NLGN1: variants seen among roughly 807,000 people sequenced by gnomAD.
NLGN1 encodes neuroligin-1.
In NLGN1, 12 loss-of-function variants were observed where a neutral mutation model predicts 65.5. The observed-to-expected ratio is 0.18, with a 90% confidence interval of 0.12 to 0.30. The LOEUF is 0.30. Among genes scored for constraint, NLGN1 ranks in the 10% least tolerant of loss-of-function variants. The pLI is 1.00. For synonymous variants in NLGN1, 350 were observed against 359.5 expected (o/e 0.97, Z 0.30); for missense variants, 750 against 1,007.1 (o/e 0.74, Z 3.46).
intron 4 of NLGN1, among the ~76,000 whole-genome samples, chr3:173,994,310 A>G (rs1314005212): frequency 6.6e-6 from 1 of 151,608 alleles, no homozygotes; most frequent in Non-Finnish European, 1.5e-5. Context: ...TGTTGCCCAG[A>G]CTGGTCTCAA....
intron 2 of NLGN1, among the ~76,000 whole-genome samples, chr3:173,602,879 G>A (rs1328212690): frequency 1.3e-5 from 2 of 152,006 alleles, no homozygotes; most frequent in Non-Finnish European, 2.9e-5. Flanking sequence ...CTAGAGTTCT[G>A]GAACAGGAAT....
intron 1 of NLGN1, among the ~76,000 whole-genome samples, chr3:173,415,311 A>G (rs1713450629): frequency 1.3e-5 from 2 of 152,212 alleles, no homozygotes; most frequent in Admixed American, 1.3e-4. Context: ...TAAATCTGAG[A>G]TGGCAGGAAG....
intron 2 of NLGN1, among the ~76,000 whole-genome samples, chr3:173,442,402 C>T (rs1006507749): frequency 6.6e-6 from 1 of 152,126 alleles, no homozygotes; most frequent in Non-Finnish European, 1.5e-5. Context: ...TTGGTTTCAT[C>T]TCTCCTTTTA....
intron 3 of NLGN1, among the ~76,000 whole-genome samples, chr3:173,768,977 C>T (rs1779179916): frequency 6.6e-6 from 1 of 152,144 alleles, no homozygotes; most frequent in South Asian, 2.1e-4. Flanking sequence ...GCCATGTTGC[C>T]CAGGCTGGTG....
intron 4 of NLGN1, among the ~76,000 whole-genome samples, chr3:174,004,059 T>C (rs1489254700): frequency 6.6e-6 from 1 of 152,128 alleles, no homozygotes; most frequent in Non-Finnish European, 1.5e-5. Flanking sequence ...GGATTGGGTT[T>C]TGTTTTTCAG....
intron 3 of NLGN1, among the ~76,000 whole-genome samples, chr3:173,734,379 C>CAATTTTTTTTTTT (rs1560261820): frequency 3.4e-5 from 2 of 59,048 alleles, no homozygotes; most frequent in African/African-American, 1.3e-4. Context: ...GTGGATAATT[C>CAATTTTTTTTTTT]TATTTTTTTT....
At position 174,280,688 on chromosome 3, in the gene NLGN1, T is replaced by C; in HGVS notation, c.1857T>C (p.Ile619=). The C allele has an allele frequency of 6.2e-7, 1 of 1,613,312 alleles. No homozygotes were observed. Among genetic ancestry groups the C allele is most frequent in the Non-Finnish European group, 8.5e-7 (1 of 1,179,532 alleles). ...CTCATCTGCATAATCTCAATGACAT[T>C]TCTCAGTATACCTCTACAACAACTA... Residue 619 remains isoleucine (I), a synonymous_variant, in exon 7 of 7, where the codon ATT becomes ATC. Transcript: ENST00000457714. The surrounding 1 kb of genome is among the most constrained non-coding windows in gnomAD (Gnocchi z 4.9).
chr3:173,986,296 G>A (rs987423423), intron 4 of NLGN1, among the ~76,000 whole-genome samples: 5 of 151,866 alleles, frequency 3.3e-5, no homozygotes, highest in Admixed American at 6.6e-5. Flanking sequence ...GTGAAACCAC[G>A]TCTCTACTAG....
intron 3 of NLGN1, among the ~76,000 whole-genome samples, chr3:173,790,194 ATG>A (rs971227659): frequency 2.0e-5 from 3 of 151,886 alleles, no homozygotes; most frequent in East Asian, 1.9e-4. Context: ...ATATATACAT[ATG>A]TGTGTGTGTG....
intron 2 of NLGN1, among the ~76,000 whole-genome samples, chr3:173,454,621 C>T (rs1240941813): frequency 5.9e-5 from 9 of 152,166 alleles, no homozygotes; most frequent in Non-Finnish European, 2.9e-5. Flanking sequence ...TCCATGCTTC[C>T]AACTTCTTTT....
intron 4 of NLGN1, among the ~76,000 whole-genome samples, chr3:173,879,401 A>C (rs556225270): frequency 1.3e-5 from 2 of 152,268 alleles, no homozygotes; most frequent in South Asian, 4.1e-4. Context: ...CATCCACTGA[A>C]ATTTTAATTC....
chr3:173,895,916 C>T (rs1026080313), intron 4 of NLGN1, among the ~76,000 whole-genome samples: 4 of 152,094 alleles, frequency 2.6e-5, no homozygotes, highest in African/African-American at 9.7e-5. Context: ...TCTCGAACTC[C>T]TGACCTCAGG....
intron 3 of NLGN1, among the ~76,000 whole-genome samples, chr3:173,630,920 T>C (rs1294036940): frequency 6.6e-6 from 1 of 152,082 alleles, no homozygotes; most frequent in Non-Finnish European, 1.5e-5. Context: ...CAGTACAAAA[T>C]CAAAAGCATC....
intron 4 of NLGN1, among the ~76,000 whole-genome samples, chr3:173,870,418 A>G (rs1445351680): frequency 1.3e-5 from 2 of 152,306 alleles, no homozygotes; most frequent in East Asian, 3.9e-4. Context: ...AGCCTGGGAA[A>G]TTAAAAAGAA....
chr3:173,697,198 A>G (rs1357913100), intron 3 of NLGN1, among the ~76,000 whole-genome samples: 1 of 152,246 alleles, frequency 6.6e-6, no homozygotes, highest in Non-Finnish European at 1.5e-5. Flanking sequence ...CACATTGCAT[A>G]GATACTCATA....
At chr3:173,804,662 A>AG (rs1716231111) in intron 3 of NLGN1, among the ~76,000 whole-genome samples, 1 of 151,380 alleles carries the variant, frequency 6.6e-6, no homozygotes, top group South Asian at 2.1e-4. Context: ...TACATCAAAA[A>AG]AAAAAAAAAA....
In NLGN1 at chr3:173,419,020, C is replaced by CTTTTTTTTTTTTTTT. The variant is rs59051811; in HGVS notation, c.-389-15970_-389-15956dup. Among the ~76,000 whole-genome samples the CTTTTTTTTTTTTTTT allele has an allele frequency of 7.3e-4, 9 of 12,262 alleles. 1 individual carries two copies. The highest frequency in any genetic ancestry group is 1.5e-3 in the Admixed American group (1 of 686). The allele number at this position is 12,262 out of a possible 152,430, so 8.0% of individuals were successfully genotyped here. On this transcript the variant is annotated intron_variant, in intron 1 of 6. Coordinates refer to ENST00000457714, the Ensembl canonical transcript of NLGN1. ...TCTGTTCTTTAGCTTTCTTCTTCTT[C>CTTTTTTTTTTTTTTT]TTTTTTTTTTTTTTTTTTTTTTTTT... is the stretch of plus-strand genomic sequence containing the variant.
At chr3:174,129,981 G>A (rs191709543) in intron 4 of NLGN1, among the ~76,000 whole-genome samples, 2 of 152,220 alleles carry the variant, frequency 1.3e-5, no homozygotes, top group African/African-American at 4.8e-5. Context: ...ATCTGTAAGA[G>A]CCTGTCTGTT....
chr3:174,222,486 A>C (rs1340687687), intron 4 of NLGN1, among the ~76,000 whole-genome samples: 1 of 152,140 alleles, frequency 6.6e-6, no homozygotes, highest in African/African-American at 2.4e-5. Flanking sequence ...ACTTTATTTT[A>C]TATAGTAAAT....
Sources: allele counts gnomAD v4.1 joint callset (sites outside exome capture counted in the v4.1 genomes callset), GRCh38; gene constraint gnomAD v4.1.1; non-coding constraint Gnocchi (gnomAD v3.1); transcripts MANE v1.5; gene names NCBI Gene and HGNC (gene_info 2026-07-23, HGNC 2026-07-21).